The following GSE1 variants were observed in gnomAD, a reference collection of about 807,000 sequenced individuals.
GSE1 encodes the protein Gse1 coiled-coil protein, also known as genetic suppressor element 1.
In GSE1, 32 loss-of-function variants were observed where a neutral mutation model predicts 112.6. The ratio of observed to expected loss-of-function variants is 0.28; its 90% CI spans 0.21 to 0.38. The LOEUF is 0.38. Ranked by LOEUF, GSE1 falls within the 10% of genes least tolerant of loss-of-function variation. The probability of loss-of-function intolerance (pLI) is 1.00; values close to 1 mark genes in which losing one functional copy is unlikely to be tolerated. For synonymous variants in GSE1, 1,115 were observed against 735.6 expected (o/e 1.52, Z -8.35); for missense variants, 2,348 against 1,699.2 (o/e 1.38, Z -6.71).
At chr16:85,641,259 C>T (rs955190946) in intron 2 of GSE1, among the ~76,000 whole-genome samples, 1 of 152,260 alleles carries the variant, frequency 6.6e-6, no homozygotes, top group South Asian at 2.1e-4. Flanking sequence ...CCGGCTCCAT[C>T]CGGCTCCCAG....
chr16:85,613,614 C>T (rs1339639264), intron 1 of GSE1, among the ~76,000 whole-genome samples: 1 of 146,492 alleles, frequency 6.8e-6, no homozygotes, highest in Non-Finnish European at 1.5e-5. Flanking sequence ...GGCCTGGCTG[C>T]GGGCGGGGAC....
At chr16:85,261,678 G>C (rs1046986301) in intron 1 of GSE1, among the ~76,000 whole-genome samples, 1 of 152,224 alleles carries the variant, frequency 6.6e-6, no homozygotes, top group Non-Finnish European at 1.5e-5. Context: ...ACTTTCGGCA[G>C]TGTCCACAGG....
At chr16:85,249,084 T>C (rs533761124) in intron 1 of GSE1, among the ~76,000 whole-genome samples, 26 of 152,316 alleles carry the variant, frequency 1.7e-4, no homozygotes, top group African/African-American at 6.0e-4. Context: ...CCCCAGACAC[T>C]TCATGTTCCA....
chr16:85,663,140 T>C, intron 10 of GSE1, 47 bp downstream of exon 10: 1 of 1,382,418 alleles, frequency 7.2e-7, no homozygotes, highest in Non-Finnish European at 1.0e-6. Context: ...TGGGCTCTCG[T>C]TCCTAGCGTC....
intron 9 of GSE1, chr16:85,662,155 C>G (rs953221419): frequency 5.6e-6 from 1 of 178,866 alleles, no homozygotes; most frequent in Non-Finnish European, 1.2e-5. Context: ...GCCGCTGCCA[C>G]GAGCTGCAGC....
intron 2 of GSE1, among the ~76,000 whole-genome samples, chr16:85,525,143 C>T (rs1251638991): frequency 1.3e-5 from 2 of 152,018 alleles, no homozygotes; most frequent in East Asian, 3.9e-4. Context: ...GGGCAGTGGG[C>T]CAGGGGGTAA....
intron 1 of GSE1, among the ~76,000 whole-genome samples, chr16:85,576,597 T>G (rs896980442): frequency 3.3e-5 from 5 of 152,182 alleles, no homozygotes; most frequent in African/African-American, 9.7e-5. Context: ...CCAGACCCTT[T>G]CTTCCTAACT....
chr16:85,288,279 C>G (rs2045101124), intron 1 of GSE1, among the ~76,000 whole-genome samples: 1 of 152,130 alleles, frequency 6.6e-6, no homozygotes, highest in African/African-American at 2.4e-5. Flanking sequence ...CTCTCAGCCC[C>G]CCTACGCACT....
intron 2 of GSE1, among the ~76,000 whole-genome samples, chr16:85,386,318 C>A (rs2047687805): frequency 6.6e-6 from 1 of 152,240 alleles, no homozygotes; most frequent in Non-Finnish European, 1.5e-5. Context: ...GAGTTGGATG[C>A]TGCCTGGGTC....
At chr16:85,257,111 C>A (rs1488070022) in intron 1 of GSE1, among the ~76,000 whole-genome samples, 3 of 152,110 alleles carry the variant, frequency 2.0e-5, no homozygotes, top group African/African-American at 7.2e-5. Context: ...ACAACTGGAA[C>A]AATGCTCTGT....
intron 2 of GSE1, among the ~76,000 whole-genome samples, chr16:85,418,194 A>G (rs1410500250): frequency 6.6e-6 from 1 of 152,250 alleles, no homozygotes; most frequent in Admixed American, 6.5e-5. Context: ...GCGAGTCACC[A>G]TGCCAGACGG....
intron 1 of GSE1, among the ~76,000 whole-genome samples, chr16:85,218,038 C>G (rs1274758885): frequency 6.6e-6 from 1 of 152,100 alleles, no homozygotes; most frequent in African/African-American, 2.4e-5. Context: ...GTAACTGGGA[C>G]TACAGGCACG....
intron 1 of GSE1, among the ~76,000 whole-genome samples, chr16:85,207,107 C>T (rs1454644923): frequency 6.6e-6 from 1 of 152,192 alleles, no homozygotes; most frequent in Non-Finnish European, 1.5e-5. Context: ...GCTTGGGGCT[C>T]TTGGCGTCTG....
chr16:85,629,371 C>T (rs1320756526), intron 1 of GSE1, among the ~76,000 whole-genome samples: 1 of 152,236 alleles, frequency 6.6e-6, no homozygotes, highest in Non-Finnish European at 1.5e-5. Context: ...CATCTGCTCC[C>T]AGACCTTCAG....
At chr16:85,543,032 C>G (rs550933716) in intron 2 of GSE1, among the ~76,000 whole-genome samples, 8 of 152,208 alleles carry the variant, frequency 5.3e-5, no homozygotes, top group Admixed American at 3.9e-4. Context: ...TCAAGACCAG[C>G]CTGACCAACA....
chr16:85,531,805 G>A (rs889535281), intron 2 of GSE1, among the ~76,000 whole-genome samples: 2 of 152,224 alleles, frequency 1.3e-5, no homozygotes, highest in South Asian at 2.1e-4. Context: ...GGTGCTGGGC[G>A]CAGGACAGGA....
intron 2 of GSE1, among the ~76,000 whole-genome samples, chr16:85,452,326 C>T (rs2049709876): frequency 6.6e-6 from 1 of 152,218 alleles, no homozygotes; most frequent in Non-Finnish European, 1.5e-5. Context: ...CCAGTGGGCC[C>T]CGGTAATTAA....
chr16:85,364,319 A>T (rs1044801019), intron 2 of GSE1, among the ~76,000 whole-genome samples: 2 of 152,082 alleles, frequency 1.3e-5, no homozygotes, highest in Non-Finnish European at 2.9e-5. Context: ...GGCCCCTGTG[A>T]CTGCACCAGG....
chr16:85,522,475 C>T (rs762262276), intron 2 of GSE1, among the ~76,000 whole-genome samples: 4 of 151,860 alleles, frequency 2.6e-5, no homozygotes, highest in African/African-American at 7.3e-5. Flanking sequence ...CTCATCCAAC[C>T]GACTCACCCC....
Sources: gnomAD v4.1 joint callset for allele counts (sites outside exome capture counted in the v4.1 genomes callset) on GRCh38, gnomAD v4.1.1 for gene constraint, MANE v1.5 for transcripts, NCBI Gene and HGNC (gene_info 2026-07-23, HGNC 2026-07-21) for gene names.